Variants in AFF2 observed in about 807,000 individuals in gnomAD.
AFF2 encodes the protein ALF transcription elongation factor 2.
In AFF2, 14 loss-of-function variants were observed where a neutral mutation model predicts 76.9. The observed-to-expected ratio is 0.18, with a 90% confidence interval of 0.12 to 0.28. The LOEUF (loss-of-function observed/expected upper bound fraction) is 0.28. Ranked by LOEUF, AFF2 falls within the 10% of genes least tolerant of loss-of-function variation. The probability of loss-of-function intolerance (pLI) is 1.00; values close to 1 mark genes in which losing one functional copy is unlikely to be tolerated. For missense variants in AFF2, 868 were observed against 1,001.1 expected (o/e 0.87, Z 1.79); for synonymous variants, 398 against 366.7 (o/e 1.09, Z -0.98).
At chrX:148,871,950 T>C (rs1470921578) in intron 7 of AFF2, among the ~76,000 whole-genome samples, 1 of 111,532 alleles carries the variant, frequency 9.0e-6, no homozygotes, top group Non-Finnish European at 1.9e-5. Context: ...GTGTTTTTCT[T>C]GGCAGATATG....
intron 1 of AFF2, among the ~76,000 whole-genome samples, chrX:148,517,568 C>A (rs782201153): frequency 6.3e-5 from 7 of 111,857 alleles, no homozygotes; most frequent in African/African-American, 2.3e-4. Context: ...CAAAATCTAA[C>A]CCTTAGTACA....
At chrX:148,552,688 G>GT (rs2053008594) in intron 1 of AFF2, among the ~76,000 whole-genome samples, 1 of 112,225 alleles carries the variant, frequency 8.9e-6, no homozygotes, top group South Asian at 3.7e-4. Flanking sequence ...GAGGGAATAG[G>GT]TTTAATATTA....
At chrX:148,610,155 C>T (rs1374959957) in intron 1 of AFF2, among the ~76,000 whole-genome samples, 5 of 111,604 alleles carry the variant, frequency 4.5e-5, no homozygotes, top group African/African-American at 1.6e-4. Context: ...TGAGAGCACT[C>T]ATGCACACTT....
At chrX:148,681,002 G>T (rs2054540738) in intron 3 of AFF2, among the ~76,000 whole-genome samples, 1 of 111,597 alleles carries the variant, frequency 9.0e-6, no homozygotes, top group African/African-American at 3.3e-5. Context: ...AAGTCAAACT[G>T]TGGACCTCCA....
chrX:148,621,268 G>T (rs1231762023), intron 1 of AFF2, among the ~76,000 whole-genome samples: 1 of 111,767 alleles, frequency 8.9e-6, no homozygotes, highest in South Asian at 3.7e-4. Context: ...AACATATAAA[G>T]CATTTTGTTT....
At chrX:148,544,578 T>A (rs1267066692) in intron 1 of AFF2, among the ~76,000 whole-genome samples, 1 of 112,500 alleles carries the variant, frequency 8.9e-6, no homozygotes, top group Non-Finnish European at 1.9e-5. Flanking sequence ...TTTTCCTACA[T>A]GTTGATTGTT....
chrX:148,644,437 G>A (rs1446679761), intron 1 of AFF2, among the ~76,000 whole-genome samples: 12 of 111,557 alleles, frequency 1.1e-4, no homozygotes, highest in South Asian at 3.8e-4. Flanking sequence ...TTCCTCATCC[G>A]CAAAATGAGG....
At chrX:148,683,105 G>T (rs2054566674) in intron 3 of AFF2, among the ~76,000 whole-genome samples, 1 of 111,899 alleles carries the variant, frequency 8.9e-6, no homozygotes, top group African/African-American at 3.3e-5. Context: ...GGATTTTCTT[G>T]TGTTGGTTAC....
At chrX:148,804,473 T>G (rs916529224) in intron 3 of AFF2, among the ~76,000 whole-genome samples, 1 of 112,800 alleles carries the variant, frequency 8.9e-6, no homozygotes, top group Non-Finnish European at 1.9e-5. Flanking sequence ...TCATTTCCTG[T>G]ATTTGGCTTA....
chrX:148,931,020 A>T (rs1224100992), intron 9 of AFF2, among the ~76,000 whole-genome samples: 2 of 111,231 alleles, frequency 1.8e-5, no homozygotes, highest in African/African-American at 3.3e-5. Flanking sequence ...TGGGAGGCCG[A>T]GGTGGGTGGA....
chrX:148,876,312 GTCTA>G (rs1238375669), intron 7 of AFF2, among the ~76,000 whole-genome samples: 1 of 112,001 alleles, frequency 8.9e-6, no homozygotes, highest in Non-Finnish European at 1.9e-5. Context: ...TTGAACTTGG[GTCTA>G]TCTGACTGCA....
chrX:148,982,890 A>G (rs1329085457), intron 19 of AFF2, among the ~76,000 whole-genome samples: 3 of 112,449 alleles, frequency 2.7e-5, no homozygotes, highest in Admixed American at 9.4e-5. Context: ...TATGTAGAAA[A>G]ATATGAGAGA....
chrX:148,558,549 G>T (rs1465562243), intron 1 of AFF2, among the ~76,000 whole-genome samples: 2 of 111,659 alleles, frequency 1.8e-5, no homozygotes, highest in Non-Finnish European at 3.8e-5. Flanking sequence ...CAAGAGGAAC[G>T]TCAAGAAGAA....
rs2053282672 is a variant in AFF2, at chrX:148,575,919, T to C, written c.47+74775T>C. On this transcript the variant is annotated intron_variant, in intron 1 of 20. Transcript: ENST00000370460. ...ATTTCTGACTCCTCAAGGAGCTAAA[T>C]AGCATGTGGTGTGTTGTTTCTAGCT... 2.7e-5 allele frequency among the ~76,000 whole-genome samples: 3 copies of C among 110,263 alleles called. No individual in the cohort carries two copies. The Admixed American group carries it at 2.9e-4, about 11-fold the overall frequency.
chrX:148,742,036 G>A (rs2055362275), intron 3 of AFF2, among the ~76,000 whole-genome samples: 2 of 111,660 alleles, frequency 1.8e-5, no homozygotes, highest in Non-Finnish European at 3.8e-5. Context: ...CCTTCCTTCA[G>A]AGGGTCTGTG....
At chrX:148,533,296 A>T (rs1234895747) in intron 1 of AFF2, among the ~76,000 whole-genome samples, 3 of 110,598 alleles carry the variant, frequency 2.7e-5, no homozygotes, top group Non-Finnish European at 5.7e-5. Flanking sequence ...ACCTTTGATT[A>T]TTATTTTTTT....
At chrX:148,863,007 T>C (rs782357223) in intron 7 of AFF2, among the ~76,000 whole-genome samples, 9 of 111,718 alleles carry the variant, frequency 8.1e-5, no homozygotes, top group Non-Finnish European at 1.5e-4. Context: ...TTATTTCTGG[T>C]ATATACTTAA....
chrX:148,825,086 T>C (rs1191056901), intron 4 of AFF2, among the ~76,000 whole-genome samples: 1 of 110,403 alleles, frequency 9.1e-6, no homozygotes, highest in Non-Finnish European at 1.9e-5. Context: ...ACACACAAAA[T>C]GATGATAATG....
At chrX:148,663,696 A>G (rs1283242223) in intron 3 of AFF2, among the ~76,000 whole-genome samples, 1 of 112,170 alleles carries the variant, frequency 8.9e-6, no homozygotes, top group African/African-American at 3.3e-5. Context: ...AAGGCTTGAA[A>G]TAACACAGAG....
Sources: allele counts gnomAD v4.1 joint callset (sites outside exome capture counted in the v4.1 genomes callset), GRCh38; gene constraint gnomAD v4.1.1; transcripts MANE v1.5; gene names NCBI Gene and HGNC (gene_info 2026-07-23, HGNC 2026-07-21).